Variants in FSTL5 observed in about 807,000 individuals in gnomAD.
FSTL5 encodes follistatin-related protein 5.
A neutral mutation model predicts 89.1 loss-of-function variants in FSTL5; 62 were observed. That is an observed-to-expected ratio of 0.70 (90% CI 0.57 to 0.86). FSTL5 has a LOEUF of 0.86. FSTL5 is among the 40% of genes least tolerant of loss of function. The pLI, the probability that FSTL5 is intolerant of heterozygous loss-of-function variation, is 0.00. For missense variants in FSTL5, 1,057 were observed against 1,001.6 expected, an observed-to-expected ratio of 1.06 and a Z score of -0.75; for synonymous variants, 383 against 346.2, an observed-to-expected ratio of 1.11 and a Z score of -1.18.
chr4:161,875,243 A>G (rs767410409), intron 4 of FSTL5, among the ~76,000 whole-genome samples: 11 of 152,184 alleles, frequency 7.2e-5, no homozygotes, highest in Non-Finnish European at 1.3e-4. Context: ...CGCCTAAGTA[A>G]CAAAAGTGCC....
chr4:161,442,169 C>T (rs1175122238), intron 15 of FSTL5, among the ~76,000 whole-genome samples: 4 of 149,040 alleles, frequency 2.7e-5, no homozygotes, highest in African/African-American at 7.4e-5. Context: ...TTTTCATTCC[C>T]TCAGCAGAGG....
chr4:161,759,843 A>G (rs553983999), intron 5 of FSTL5, among the ~76,000 whole-genome samples: 1 of 151,898 alleles, frequency 6.6e-6, no homozygotes. Flanking sequence ...TCTTTGCTCC[A>G]TTTATACTGA....
At chr4:161,526,903 T>C (rs913469785) in intron 10 of FSTL5, among the ~76,000 whole-genome samples, 1 of 152,222 alleles carries the variant, frequency 6.6e-6, no homozygotes, top group Admixed American at 6.5e-5. Flanking sequence ...TTTGTTCTTT[T>C]GGCTTAGGAC....
chr4:161,587,308 TA>T, intron 8 of FSTL5, 146 bp downstream of exon 8: 4 of 596,742 alleles, frequency 6.7e-6, no homozygotes, highest in Middle Eastern at 4.9e-4. Flanking sequence ...TTTTTTTTTT[TA>T]CTTAAAAAAC....
intron 12 of FSTL5, among the ~76,000 whole-genome samples, chr4:161,493,019 A>T (rs557240442): frequency 1.3e-5 from 2 of 152,080 alleles, no homozygotes; most frequent in South Asian, 2.1e-4. Flanking sequence ...TATGGAAAAA[A>T]ATTTAAAGAA....
intron 3 of FSTL5, among the ~76,000 whole-genome samples, chr4:161,959,081 C>T (rs1735102614): frequency 6.6e-6 from 1 of 152,066 alleles, no homozygotes; most frequent in Non-Finnish European, 1.5e-5. Context: ...GATCACTGTC[C>T]ATTGTTCCTT....
At chr4:161,796,822 A>AG in intron 4 of FSTL5, among the ~76,000 whole-genome samples, 1 of 151,720 alleles carries the variant, frequency 6.6e-6, no homozygotes, top group East Asian at 1.9e-4. Context: ...ATAGCCAAGT[A>AG]TTTCATGAAA....
chr4:161,912,860 G>T (rs1465757635), intron 4 of FSTL5, among the ~76,000 whole-genome samples: 1 of 152,164 alleles, frequency 6.6e-6, no homozygotes, highest in Non-Finnish European at 1.5e-5. Context: ...TGAACAATAA[G>T]ATCCAGACTG....
intron 2 of FSTL5, among the ~76,000 whole-genome samples, chr4:162,059,500 T>C (rs1738653275): frequency 6.6e-6 from 1 of 152,160 alleles, no homozygotes; most frequent in Non-Finnish European, 1.5e-5. Flanking sequence ...TTGAAATAAA[T>C]ATAATATCTA....
At chr4:162,019,285 C>T (rs961618746) in intron 3 of FSTL5, among the ~76,000 whole-genome samples, 1 of 151,980 alleles carries the variant, frequency 6.6e-6, no homozygotes, top group Non-Finnish European at 1.5e-5. Context: ...AACATATGAT[C>T]TAGATACCAA....
At chr4:161,645,808 T>A (rs1736134754) in intron 7 of FSTL5, among the ~76,000 whole-genome samples, 1 of 152,082 alleles carries the variant, frequency 6.6e-6, no homozygotes, top group African/African-American at 2.4e-5. Context: ...TCCACTTGGA[T>A]TTTAAGAGCC....
chr4:161,856,267 G>A (rs1221712419), intron 4 of FSTL5, among the ~76,000 whole-genome samples: 1 of 152,070 alleles, frequency 6.6e-6, no homozygotes, highest in African/African-American at 2.4e-5. Flanking sequence ...GAAACAGCAT[G>A]AGAAAAGGCA....
intron 6 of FSTL5, among the ~76,000 whole-genome samples, chr4:161,753,958 T>C (rs946238535): frequency 7.0e-6 from 1 of 142,170 alleles, no homozygotes. Context: ...AGGAGAATGG[T>C]GTGAACCCGG....
chr4:161,746,834 T>C (rs1740218148), intron 6 of FSTL5, among the ~76,000 whole-genome samples: 1 of 152,178 alleles, frequency 6.6e-6, no homozygotes, highest in South Asian at 2.1e-4. Flanking sequence ...CTTTTTTCAC[T>C]AATTTCTAGT....
At chr4:162,098,097 T>C (rs1730836311) in intron 2 of FSTL5, among the ~76,000 whole-genome samples, 2 of 151,472 alleles carry the variant, frequency 1.3e-5, no homozygotes, top group African/African-American at 4.8e-5. Context: ...ACAAAAAGCA[T>C]AGTTATCTAC....
chr4:161,791,345 T>C (rs1455630180), intron 4 of FSTL5, among the ~76,000 whole-genome samples: 1 of 152,180 alleles, frequency 6.6e-6, no homozygotes, highest in African/African-American at 2.4e-5. Flanking sequence ...ATTAGACATA[T>C]TGGTAAAGAA....
intron 12 of FSTL5, among the ~76,000 whole-genome samples, chr4:161,486,275 T>C (rs1319871717): frequency 6.6e-6 from 1 of 151,672 alleles, no homozygotes; most frequent in South Asian, 2.1e-4. Flanking sequence ...ACAAATGTGA[T>C]AAATAAGGTG....
intron 3 of FSTL5, among the ~76,000 whole-genome samples, chr4:161,959,831 T>C (rs1735123206): frequency 6.6e-6 from 1 of 152,058 alleles, no homozygotes; most frequent in Non-Finnish European, 1.5e-5. Context: ...CAAACAGTAA[T>C]TTACTAAGTG....
chr4:162,153,603 G>GTA (rs1453865387), intron 1 of FSTL5, among the ~76,000 whole-genome samples: 3 of 107,308 alleles, frequency 2.8e-5, no homozygotes, highest in Non-Finnish European at 4.1e-5. Context: ...ATATGTGTGT[G>GTA]TATATATATG....
Sources: gnomAD v4.1 joint callset for allele counts (sites outside exome capture counted in the v4.1 genomes callset) on GRCh38, gnomAD v4.1.1 for gene constraint, MANE v1.5 for transcripts, NCBI Gene and HGNC (gene_info 2026-07-23, HGNC 2026-07-21) for gene names.